ROCK2: variants seen among roughly 807,000 people sequenced by gnomAD.
The protein encoded by ROCK2 is rho-associated protein kinase 2.
ROCK2 carries 61 observed loss-of-function variants against 195.1 expected under a neutral mutation model. The observed-to-expected ratio is 0.31, with a 90% CI of 0.25 to 0.39. The LOEUF is 0.39. Ranked by LOEUF, ROCK2 falls within the 10% of genes least tolerant of loss-of-function variation. ROCK2 has a pLI of 1.00. For missense variants in ROCK2, 1,109 were observed against 1,637.4 expected, an observed-to-expected ratio of 0.68 and a Z score of 5.57; for synonymous variants, 504 against 545.5, an observed-to-expected ratio of 0.92 and a Z score of 1.06.
At chr2:11,345,347 G>C (rs1056199359), upstream of ROCK2, among the ~76,000 whole-genome samples, 13 of 152,278 alleles carry the variant, frequency 8.5e-5, no homozygotes, top group Admixed American at 4.6e-4. Flanking sequence ...TCTCCTTTTG[G>C]GGGGCGGAAG....
At chr2:11,233,082 T>G (rs1665076241) in intron 5 of ROCK2, among the ~76,000 whole-genome samples, 1 of 151,872 alleles carries the variant, frequency 6.6e-6, no homozygotes, top group African/African-American at 2.4e-5. Flanking sequence ...GGCATGGTGG[T>G]GTACGCCTGT....
intron 3 of ROCK2, among the ~76,000 whole-genome samples, chr2:11,255,956 G>GAAAAAAAAAAAAAAAAAA (rs1666019736): frequency 8.7e-6 from 1 of 115,294 alleles, no homozygotes; most frequent in African/African-American, 3.8e-5. Context: ...AAAAAAAAAG[G>GAAAAAAAAAAAAAAAAAA]AAACTATATG....
intron 4 of ROCK2, among the ~76,000 whole-genome samples, chr2:11,236,434 C>T (rs938546312): frequency 1.3e-5 from 2 of 151,984 alleles, no homozygotes; most frequent in Non-Finnish European, 2.9e-5. Context: ...GAATAAGCCC[C>T]ATATCAATGG....
intron 1 of ROCK2, among the ~76,000 whole-genome samples, chr2:11,324,404 A>G (rs1436238673): frequency 6.6e-6 from 1 of 151,116 alleles, no homozygotes; most frequent in Non-Finnish European, 1.5e-5. Context: ...CAGCGTGGCG[A>G]CAGAGGGAGA....
intron 1 of ROCK2, among the ~76,000 whole-genome samples, chr2:11,338,891 A>C (rs1226140918): frequency 2.0e-5 from 3 of 149,846 alleles, no homozygotes; most frequent in Non-Finnish European, 3.0e-5. Flanking sequence ...GTATAGAAGA[A>C]GTCAAAGTAA....
At chr2:11,260,162 C>T (rs1268122583) in intron 3 of ROCK2, among the ~76,000 whole-genome samples, 1 of 151,346 alleles carries the variant, frequency 6.6e-6, no homozygotes, top group East Asian at 1.9e-4. Flanking sequence ...AAAGAAGTTG[C>T]TTAGGCCGGG....
chr2:11,211,708 C>T lies in ROCK2; in HGVS notation c.2176G>A (p.Glu726Lys), dbSNP rs1421981372. The T allele has an allele frequency of 6.2e-7, 1 of 1,607,594 alleles. No individual in the cohort carries two copies. Among genetic ancestry groups the T allele is most frequent in the Non-Finnish European group, 8.5e-7 (1 of 1,177,680 alleles). ...ADKNKIYESIEEAKSEAMKEM... is the reference protein window; with the variant it reads ...ADKNKIYESIKEAKSEAMKEM... ...TTCATGGCTTCTGATTTGGCTTCTT[C>T]GATGGACTCATAGATCTTATTTTTA... is the stretch of plus-strand genomic sequence containing the variant. The change falls in exon 18 of 33, where the codon GAA becomes AAA. Residue 726 changes from glutamate to lysine, a missense_variant. Transcript: ENST00000315872.
intron 1 of ROCK2, among the ~76,000 whole-genome samples, chr2:11,290,458 C>T (rs978228555): frequency 6.6e-6 from 1 of 151,866 alleles, no homozygotes; most frequent in Non-Finnish European, 1.5e-5. Flanking sequence ...GATACTAAAA[C>T]TGAGATAAAG....
chr2:11,286,438 G>C, intron 3 of ROCK2, 101 bp downstream of exon 3: 2 of 720,470 alleles, frequency 2.8e-6, no homozygotes, highest in South Asian at 1.9e-5. Context: ...CCACCTTCTG[G>C]CATGGGTGGG....
chr2:11,300,075 G>T (rs576796183), intron 1 of ROCK2, among the ~76,000 whole-genome samples: 1 of 152,184 alleles, frequency 6.6e-6, no homozygotes, highest in African/African-American at 2.4e-5. Context: ...TTATTTGTCA[G>T]AGAAAAGGTC....
intron 32 of ROCK2, among the ~76,000 whole-genome samples, chr2:11,187,011 C>A (rs1346831221): frequency 1.3e-5 from 2 of 152,086 alleles, no homozygotes; most frequent in Admixed American, 6.6e-5. Context: ...TTCAGGCCTG[C>A]GAAACTTATT....
At chr2:11,309,979 AAAAAG>A (rs1338282780) in intron 1 of ROCK2, among the ~76,000 whole-genome samples, 4 of 152,292 alleles carry the variant, frequency 2.6e-5, no homozygotes, top group South Asian at 2.1e-4. Context: ...AAAAAACAAA[AAAAAG>A]AAAAGAAATG....
chr2:11,291,465 G>T (rs774037252), intron 1 of ROCK2, among the ~76,000 whole-genome samples: 4 of 152,168 alleles, frequency 2.6e-5, no homozygotes, highest in Non-Finnish European at 4.4e-5. Context: ...CAGGAGAATC[G>T]CTTGAACCCA....
rs1324632157 is a variant in ROCK2, at chr2:11,344,584, T to C, written c.-448A>G. 7 of 715,952 alleles carry C rather than the reference T, an allele frequency of 9.8e-6. No individual in the cohort carries two copies. The highest frequency in any genetic ancestry group is 1.2e-5 in the Non-Finnish European group (7 of 589,812). The allele number at this position is 715,952 out of a possible 1,614,324, so 44.3% of individuals were successfully genotyped here. A position where few individuals can be genotyped will look rare whatever the true frequency, so the allele number is the denominator to read the frequency against. On this transcript the variant is annotated 5_prime_UTR_variant, in exon 1 of 33. Transcript: ENST00000315872. The surrounding 1 kb of genome is among the most constrained non-coding windows in gnomAD (Gnocchi z 5.4). ...CTGCCATGGTCGCCGCCGGCCGCCT[T>C]GCAGTCCCTCAGCCAGCTCCCGGCG...
chr2:11,219,865 T>TC (rs1664571508), intron 9 of ROCK2, among the ~76,000 whole-genome samples: 1 of 150,096 alleles, frequency 6.7e-6, no homozygotes, highest in Admixed American at 6.6e-5. Context: ...AACTCACTTT[T>TC]TTTTTTTTTT....
chr2:11,232,487 T>C (rs1213874212), intron 5 of ROCK2, among the ~76,000 whole-genome samples: 1 of 152,198 alleles, frequency 6.6e-6, no homozygotes, highest in Non-Finnish European at 1.5e-5. Context: ...CAAAGGCACA[T>C]GAAGTGTTGA....
At chr2:11,216,949 C>G in intron 12 of ROCK2, 141 bp downstream of exon 12, 1 of 481,758 alleles carries the variant, frequency 2.1e-6, no homozygotes, top group South Asian at 2.5e-5. Flanking sequence ...GTCTTGAACT[C>G]CTGACCTCGT....
At chr2:11,255,691 G>A (rs1342718649) in intron 3 of ROCK2, among the ~76,000 whole-genome samples, 2 of 150,812 alleles carry the variant, frequency 1.3e-5, no homozygotes, top group Non-Finnish European at 2.9e-5. Context: ...AGGCTGAGGT[G>A]AGCGGATCAC....
intron 3 of ROCK2, among the ~76,000 whole-genome samples, chr2:11,267,330 C>T (rs1271271043): frequency 2.6e-5 from 4 of 152,160 alleles, no homozygotes; most frequent in African/African-American, 4.8e-5. Flanking sequence ...CAGAAAGACT[C>T]ACGCCTGTGG....
Sources: gnomAD v4.1 joint callset for allele counts (sites outside exome capture counted in the v4.1 genomes callset) on GRCh38, gnomAD v4.1.1 for gene constraint, Gnocchi (gnomAD v3.1) non-coding constraint, MANE v1.5 for transcripts, NCBI Gene and HGNC (gene_info 2026-07-23, HGNC 2026-07-21) for gene names.